PCP4: variants seen among roughly 807,000 people sequenced by gnomAD.
PCP4 encodes the protein Purkinje cell protein 4.
PCP4 carries 8 observed loss-of-function variants against 10.0 expected under a neutral mutation model. The observed-to-expected ratio is 0.80, with a 90% CI of 0.47 to 1.45. The LOEUF (loss-of-function observed/expected upper bound fraction) is 1.45. Among genes scored for constraint, PCP4 ranks in the 40% most tolerant of loss-of-function variants. The probability of loss-of-function intolerance (pLI) is 0.00; values close to 1 mark genes in which losing one functional copy is unlikely to be tolerated. For missense variants in PCP4, 54 were observed against 74.4 expected (o/e 0.73, Z 1.01); for synonymous variants, 21 against 23.0 (o/e 0.91, Z 0.24).
At chr21:39,903,654 G>A (rs984796266) in intron 2 of PCP4, among the ~76,000 whole-genome samples, 2 of 151,940 alleles carry the variant, frequency 1.3e-5, no homozygotes, top group African/African-American at 4.8e-5. Flanking sequence ...GGATCACGAG[G>A]TCAGGAGATC....
rs184594345 is a variant in PCP4 at position 39,869,401 on chromosome 21, G to A, written c.9+1891G>A. Among the ~76,000 whole-genome samples, 13 of 152,322 alleles carry A rather than the reference G, an allele frequency of 8.5e-5. No homozygotes were observed. In the South Asian group the frequency reaches 2.3e-3, roughly 27 times the overall value. On this transcript the variant is annotated intron_variant, in intron 1 of 2. Transcript: ENST00000328619. ...AGGGCAGCTCTGTAGTCACCGCCCC[G>A]CCATGGCGCTTATCAGACACATTTG... is the stretch of plus-strand genomic sequence containing the variant.
chr21:39,882,524 C>T (rs111564957), intron 1 of PCP4, among the ~76,000 whole-genome samples: 1,604 of 152,244 alleles, frequency 0.011, 14 homozygotes, highest in Non-Finnish European at 0.016. Flanking sequence ...TCTCTGTGGC[C>T]GGTTTTTGTA....
chr21:39,908,436 G>A lies in PCP4; in HGVS notation c.61+9909G>A, dbSNP rs945046862. 4.6e-5 allele frequency among the ~76,000 whole-genome samples: 7 copies of A among 152,180 alleles called. No individual in the cohort carries two copies. The East Asian group carries it at 9.6e-4, about 21-fold the overall frequency. The stretch of plus-strand genomic sequence containing the variant: ...GTTCACACCTCCACCCAGTCTGAAC[G>A]GAAGGCCCCGCTAGATGGCAGGCCA... On this transcript the variant is annotated intron_variant, in intron 2 of 2. Transcript: ENST00000328619.
intron 2 of PCP4, among the ~76,000 whole-genome samples, chr21:39,920,002 GA>G: frequency 7.0e-6 from 1 of 142,020 alleles, no homozygotes; most frequent in African/African-American, 2.6e-5. Flanking sequence ...GGGTGTGTTT[GA>G]TGTGTGATGT....
intron 2 of PCP4, among the ~76,000 whole-genome samples, chr21:39,899,765 G>A (rs2087474273): frequency 6.6e-6 from 1 of 152,074 alleles, no homozygotes; most frequent in Non-Finnish European, 1.5e-5. Context: ...AGTTGGGGTG[G>A]GTGTGTGGGG....
At chr21:39,887,767 G>T (rs558395078) in intron 1 of PCP4, among the ~76,000 whole-genome samples, 7 of 152,078 alleles carry the variant, frequency 4.6e-5, no homozygotes, top group African/African-American at 1.4e-4. Flanking sequence ...ATTAGCCTTC[G>T]TCAAAATAAC....
rs73354165 is a variant in PCP4 at position 39,917,488 on chromosome 21, G to A, written c.62-11496G>A. Among the ~76,000 whole-genome samples the A allele has an allele frequency of 4.5e-3, 692 of 152,348 alleles. 9 individuals are homozygous for A. Among genetic ancestry groups the A allele is most frequent in the African/African-American group, 0.016 (656 of 41,586 alleles). On this transcript the variant is annotated intron_variant, in intron 2 of 2. Transcript: ENST00000328619. ...CTGGTGGTAGAGGGAGAAGCTGGAA[G>A]GAGGGTGCTTTGGGCAAGCCAGGCT... is the stretch of plus-strand genomic sequence containing the variant.
chr21:39,915,229 CA>C (rs11304096), intron 2 of PCP4, among the ~76,000 whole-genome samples: 103,188 of 147,660 alleles, frequency 0.7, 35,651 homozygotes, highest in Middle Eastern at 0.79. Flanking sequence ...AGTATTTCTG[CA>C]AAAAAAAAAA....
intron 2 of PCP4, chr21:39,926,014 C>T (rs1053503474): frequency 4.8e-5 from 22 of 456,022 alleles, no homozygotes; most frequent in African/African-American, 2.4e-4. Context: ...CCTGTGCCAC[C>T]GAGTCTAATT....
rs1164035375 is a variant in PCP4 at position 39,909,825 on chromosome 21, C to T, written c.61+11298C>T. Among the ~76,000 whole-genome samples, 110 of 137,794 alleles carry T rather than the reference C, an allele frequency of 8.0e-4. 1 individual carries two copies. The highest frequency in any genetic ancestry group is 2.8e-3 in the African/African-American group (104 of 36,664). 90.4% of individuals were successfully genotyped at this position (137,794 alleles called of 152,430 possible). A position where few individuals can be genotyped will look rare whatever the true frequency, so the allele number is the denominator to read the frequency against. ...CTTTTTTTTTTTTGACATGGAGTTTCGCTTTTGTTGCCCAGGCTGGAGTGC... is the reference window on the plus strand; with the variant it reads ...CTTTTTTTTTTTTGACATGGAGTTTTGCTTTTGTTGCCCAGGCTGGAGTGC... On this transcript the variant is annotated intron_variant, in intron 2 of 2. Coordinates refer to ENST00000328619, the MANE Select transcript of PCP4 (RefSeq NM_006198.3).
At chr21:39,879,849 A>T (rs1231074274) in intron 1 of PCP4, among the ~76,000 whole-genome samples, 2 of 152,190 alleles carry the variant, frequency 1.3e-5, no homozygotes, top group African/African-American at 2.4e-5. Flanking sequence ...TTGTGGCCCC[A>T]ATGAAAAATC....
intron 2 of PCP4, among the ~76,000 whole-genome samples, chr21:39,925,819 T>A (rs994791846): frequency 1.2e-4 from 19 of 152,126 alleles, no homozygotes; most frequent in African/African-American, 4.3e-4. Flanking sequence ...GCCTTGTCAC[T>A]GCCACTGGGG....
intron 1 of PCP4, among the ~76,000 whole-genome samples, chr21:39,878,624 C>T (rs1200099161): frequency 6.6e-6 from 1 of 152,206 alleles, no homozygotes. Context: ...TGAAAGTGCA[C>T]ACATTGGTTG....
chr21:39,924,515 G>A (rs1601190288), intron 2 of PCP4, among the ~76,000 whole-genome samples: 1 of 152,128 alleles, frequency 6.6e-6, no homozygotes, highest in Non-Finnish European at 1.5e-5. Flanking sequence ...GGCTTTGGCT[G>A]CTGGGACACG....
intron 2 of PCP4, 77 bp from the exon 3 acceptor site, chr21:39,928,907 C>T: frequency 6.8e-7 from 1 of 1,474,940 alleles, no homozygotes; most frequent in Non-Finnish European, 9.3e-7. Flanking sequence ...TTCCTGGCTT[C>T]ACTTATCTAG....
chr21:39,903,651 G>A (rs1172456370), intron 2 of PCP4, among the ~76,000 whole-genome samples: 1 of 151,878 alleles, frequency 6.6e-6, no homozygotes, highest in African/African-American at 2.4e-5. Context: ...GGCGGATCAC[G>A]AGGTCAGGAG....
At chr21:39,913,757 C>T (rs1007052753) in intron 2 of PCP4, among the ~76,000 whole-genome samples, 1 of 152,168 alleles carries the variant, frequency 6.6e-6, no homozygotes, top group African/African-American at 2.4e-5. Flanking sequence ...TCACAGACCC[C>T]CTTTGGAGTT....
At chr21:39,876,533 C>A (rs529593161) in intron 1 of PCP4, among the ~76,000 whole-genome samples, 1 of 152,136 alleles carries the variant, frequency 6.6e-6, no homozygotes, top group Non-Finnish European at 1.5e-5. Flanking sequence ...CTTAATGGAA[C>A]ATAAGGAACT....
intron 2 of PCP4, among the ~76,000 whole-genome samples, chr21:39,927,347 A>G (rs62236582): frequency 0.16 from 13,129 of 84,136 alleles, 632 homozygotes; most frequent in Middle Eastern, 0.2. Context: ...CTGTCTATCT[A>G]TCTATCTATC....
Sources: allele counts gnomAD v4.1 joint callset (sites outside exome capture counted in the v4.1 genomes callset), GRCh38; gene constraint gnomAD v4.1.1; transcripts MANE v1.5; gene names NCBI Gene and HGNC (gene_info 2026-07-23, HGNC 2026-07-21).